SPATA7: variants seen among roughly 807,000 people sequenced by gnomAD.
SPATA7 encodes spermatogenesis-associated protein 7.
A neutral mutation model predicts 51.8 loss-of-function variants in SPATA7; 43 were observed. The ratio of observed to expected loss-of-function variants is 0.83; its 90% confidence interval spans 0.65 to 1.07. The LOEUF (loss-of-function observed/expected upper bound fraction) is 1.07. Ranked by LOEUF, SPATA7 falls within the 50% of genes least tolerant of loss-of-function variation. SPATA7 has a pLI of 0.00. For missense variants in SPATA7, 683 were observed against 701.3 expected (o/e 0.97, Z 0.30); for synonymous variants, 230 against 252.8 (o/e 0.91, Z 0.86).
intron 11 of SPATA7, 120 bp from the exon 12 acceptor site, chr14:88,437,718 T>G: frequency 7.4e-7 from 1 of 1,342,552 alleles, no homozygotes; most frequent in Non-Finnish European, 1.0e-6. Context: ...TGAACTTTTT[T>G]GAGGGTGGTG....
chr14:88,429,890 C>T (rs867370949), intron 8 of SPATA7, among the ~76,000 whole-genome samples: 34 of 143,474 alleles, frequency 2.4e-4, no homozygotes, highest in African/African-American at 8.2e-4. Context: ...TATGAAGACA[C>T]TATTTATTTA....
chr14:88,451,451 G>A (rs1177559387), intron 3 of SPATA7, among the ~76,000 whole-genome samples: 1 of 151,726 alleles, frequency 6.6e-6, no homozygotes, highest in Non-Finnish European at 1.5e-5. Flanking sequence ...TTGCAGGCGT[G>A]AGCCACTGCT....
At chr14:88,403,130 T>A (rs1595203297) in intron 4 of SPATA7, among the ~76,000 whole-genome samples, 1 of 152,206 alleles carries the variant, frequency 6.6e-6, no homozygotes, top group Non-Finnish European at 1.5e-5. Flanking sequence ...GAGATATCAC[T>A]CACACCTGTG....
intron 4 of SPATA7, chr14:88,406,774 A>T (rs1160702683): frequency 1.3e-5 from 2 of 151,964 alleles, no homozygotes; most frequent in Non-Finnish European, 1.5e-5. Flanking sequence ...CAGTCCCCCA[A>T]CAGGCCCCAG....
intron 3 of SPATA7, among the ~76,000 whole-genome samples, chr14:88,445,180 C>G (rs1296009879): frequency 9.3e-5 from 14 of 151,340 alleles, no homozygotes; most frequent in African/African-American, 7.3e-5. Context: ...GTTTGTAGTT[C>G]TCCTTGAAGA....
intron 5 of SPATA7, among the ~76,000 whole-genome samples, chr14:88,418,790 A>AT (rs1026223168): frequency 1.1e-4 from 17 of 152,082 alleles, no homozygotes; most frequent in African/African-American, 3.9e-4. Flanking sequence ...TTTCATTATG[A>AT]TTTTTTTATT....
intron 5 of SPATA7, among the ~76,000 whole-genome samples, chr14:88,423,272 T>A (rs2076694010): frequency 6.7e-6 from 1 of 150,128 alleles, no homozygotes; most frequent in Non-Finnish European, 1.5e-5. Context: ...GAGCAGTGGC[T>A]CACACCTGTG....
At position 88,438,373 on chromosome 14, in the gene SPATA7, C is replaced by T; in HGVS notation, c.1751C>T (p.Thr584Ile). 1 of 1,614,044 alleles carries T rather than the reference C, an allele frequency of 6.2e-7. No individual in the cohort carries two copies. Among genetic ancestry groups the T allele is most frequent in the Non-Finnish European group, 8.5e-7 (1 of 1,179,996 alleles). ...GDNNHDMELS[T>I]LKIMEMSIED... ...AATAATCATGACATGGAGTTATCAA[C>T]TCTTAAAATCATGGAAATGAGCATT... Residue 584 changes from threonine (T) to isoleucine (I), a missense_variant, in exon 12 of 12, where the codon ACT (threonine) becomes ATT (isoleucine). Physicochemically the swap from Thr to Ile is moderately conservative, Grantham distance 89 (BLOSUM62 -1). Coordinates refer to ENST00000393545, the MANE Select transcript of SPATA7 (RefSeq NM_018418.5).
At chr14:88,414,165 T>G (rs1317943748) in intron 4 of SPATA7, among the ~76,000 whole-genome samples, 1 of 152,138 alleles carries the variant, frequency 6.6e-6, no homozygotes, top group Non-Finnish European at 1.5e-5. Context: ...CTGGTAGAAT[T>G]TGGCTGTGAA....
At chr14:88,458,915 T>TG (rs1178554913), downstream of SPATA7, among the ~76,000 whole-genome samples, 6 of 152,338 alleles carry the variant, frequency 3.9e-5, no homozygotes, top group African/African-American at 1.4e-4. Flanking sequence ...GATTCTGGTA[T>TG]GTTGTGTCTT....
chr14:88,426,004 G>A (rs539347887), intron 5 of SPATA7, among the ~76,000 whole-genome samples: 4 of 152,090 alleles, frequency 2.6e-5, no homozygotes, highest in South Asian at 2.1e-4. Flanking sequence ...TCTTTTTTTC[G>A]TTTCAGAAAG....
downstream of SPATA7, among the ~76,000 whole-genome samples, chr14:88,457,353 A>T (rs2077290711): frequency 6.6e-6 from 1 of 152,170 alleles, no homozygotes; most frequent in South Asian, 2.1e-4. Context: ...CTTCCTATCC[A>T]TGGGCATGGA....
downstream of SPATA7, among the ~76,000 whole-genome samples, chr14:88,442,816 G>A (rs2077186719): frequency 6.6e-6 from 1 of 152,010 alleles, no homozygotes. Flanking sequence ...AATGATTTAG[G>A]GAGGATTCCC....
At chr14:88,458,817 G>C (rs2077300620), downstream of SPATA7, among the ~76,000 whole-genome samples, 1 of 152,112 alleles carries the variant, frequency 6.6e-6, no homozygotes, top group Admixed American at 6.5e-5. Flanking sequence ...TGATGTTAGG[G>C]TGTCAATTTT....
At chr14:88,396,338 A>AACT (rs1219363861) in intron 4 of SPATA7, 135 bp downstream of exon 4, 4 of 668,686 alleles carry the variant, frequency 6.0e-6, no homozygotes, top group Non-Finnish European at 1.1e-5. Context: ...GTACAATGAT[A>AACT]ACTACTACCT....
chr14:88,428,462 G>A (rs561064207), intron 7 of SPATA7: 25 of 152,226 alleles, frequency 1.6e-4, no homozygotes, highest in African/African-American at 5.3e-4. Context: ...GTTTGACATA[G>A]GGCCCTGCCA....
Position 88,429,406 on chromosome 14 carries a change from G to A in SPATA7, c.971G>A (p.Gly324Glu), listed in dbSNP as rs17124677. 6.5e-3 allele frequency: 10,472 copies of A among 1,612,700 alleles called. 584 individuals are homozygous for A. In the African/African-American group the frequency reaches 0.12, roughly 19 times the overall value. Residue 324 changes from glycine to glutamate, a missense_variant, in exon 8 of 12, where the codon GGG becomes GAG. By Grantham distance (98) the Gly-to-Glu change is moderately conservative. Coordinates refer to ENST00000393545, the MANE Select transcript of SPATA7 (RefSeq NM_018418.5). ...KEKIAPLPLEGHDSTWDEIKD... is the reference protein window; with the variant it reads ...KEKIAPLPLEEHDSTWDEIKD... ...AAAATAGCTCCTTTACCTTTAGAAG[G>A]GCATGACTCAACATGGGATGAGATT...
chr14:88,416,950 G>A (rs190891653), intron 5 of SPATA7, 106 bp downstream of exon 5: 1 of 925,836 alleles, frequency 1.1e-6, no homozygotes, highest in Admixed American at 2.6e-5. Flanking sequence ...AATTTTTCCT[G>A]TAAAGATCCA....
At chr14:88,460,811 T>C (rs1035245540) in intron 4 of SPATA7, among the ~76,000 whole-genome samples, 7 of 152,226 alleles carry the variant, frequency 4.6e-5, no homozygotes, top group African/African-American at 1.7e-4. Flanking sequence ...TCAGCTTTTC[T>C]GCTCTCTTTT....
Sources: allele counts gnomAD v4.1 joint callset (sites outside exome capture counted in the v4.1 genomes callset), GRCh38; gene constraint gnomAD v4.1.1; transcripts MANE v1.5; gene names NCBI Gene and HGNC (gene_info 2026-07-23, HGNC 2026-07-21).